The following PRICKLE2 variants were observed in gnomAD, a reference collection of about 807,000 sequenced individuals.
PRICKLE2 encodes prickle planar cell polarity protein 2, also known as prickle-like protein 2.
A neutral mutation model predicts 81.4 loss-of-function variants in PRICKLE2; 21 were observed. The ratio of observed to expected loss-of-function variants is 0.26; its 90% CI spans 0.18 to 0.37. The LOEUF (loss-of-function observed/expected upper bound fraction) is 0.37. Among genes scored for constraint, PRICKLE2 ranks in the 10% least tolerant of loss-of-function variants. The pLI, the probability that PRICKLE2 is intolerant of heterozygous loss-of-function variation, is 1.00. For missense variants in PRICKLE2, 940 were observed against 1,109.0 expected, an observed-to-expected ratio of 0.85 and a Z score of 2.16; for synonymous variants, 456 against 421.5, an observed-to-expected ratio of 1.08 and a Z score of -1.00.
chr3:64,242,615 C>T (rs1047498496), intron 2 of PRICKLE2, among the ~76,000 whole-genome samples: 6 of 152,364 alleles, frequency 3.9e-5, no homozygotes, highest in South Asian at 2.1e-4. Flanking sequence ...CTTCAGTGGA[C>T]GACTTGGCCA....
chr3:64,219,651 A>G (rs2078921934), intron 1 of PRICKLE2, among the ~76,000 whole-genome samples: 1 of 152,240 alleles, frequency 6.6e-6, no homozygotes, highest in South Asian at 2.1e-4. Context: ...CCAAAGATCA[A>G]CCAACGAGAT....
intron 7 of PRICKLE2, among the ~76,000 whole-genome samples, chr3:64,113,273 A>G (rs571592596): frequency 1.4e-4 from 21 of 152,280 alleles, no homozygotes; most frequent in African/African-American, 5.1e-4. Flanking sequence ...ACTTGTTCCC[A>G]TAAGAGACTT....
chr3:64,092,936 G>A lies in PRICKLE2; in HGVS notation c.*6115C>T, dbSNP rs1247644264. 1 of 152,314 alleles carries A rather than the reference G, an allele frequency of 6.6e-6. No individual in the cohort carries two copies. The highest frequency in any genetic ancestry group is 1.5e-5 in the Non-Finnish European group (1 of 68,066). 9.4% of individuals were successfully genotyped at this position (152,314 alleles called of 1,614,324 possible). The stretch of plus-strand genomic sequence containing the variant: ...TAAGTGTACAGTTCAGTAGTATTAA[G>A]TTCATCTGCATTGTTCTGCAACCCG... On this transcript the variant is annotated 3_prime_UTR_variant, in exon 8 of 8. Coordinates refer to ENST00000638394, the MANE Select transcript of PRICKLE2 (RefSeq NM_198859.4).
At chr3:64,176,913 C>CG (rs928914113) in intron 2 of PRICKLE2, among the ~76,000 whole-genome samples, 5 of 151,948 alleles carry the variant, frequency 3.3e-5, no homozygotes, top group African/African-American at 1.2e-4. Context: ...TCTTGGCCTG[C>CG]GGGTTATAGT....
At chr3:64,143,290 T>C (rs1471268331) in intron 7 of PRICKLE2, among the ~76,000 whole-genome samples, 2 of 152,202 alleles carry the variant, frequency 1.3e-5, no homozygotes, top group Admixed American at 1.3e-4. Flanking sequence ...CAGCCCCATA[T>C]GGCTGCCATA....
intron 4 of PRICKLE2, among the ~76,000 whole-genome samples, chr3:64,159,164 G>A (rs927326818): frequency 6.6e-6 from 1 of 152,130 alleles, no homozygotes; most frequent in East Asian, 1.9e-4. Flanking sequence ...ACGCAGTGAG[G>A]TCCCAGGGAG....
At chr3:64,121,430 A>G (rs182326776) in intron 7 of PRICKLE2, among the ~76,000 whole-genome samples, 2 of 152,258 alleles carry the variant, frequency 1.3e-5, no homozygotes, top group East Asian at 3.9e-4. Flanking sequence ...TTTGAGAAAT[A>G]GTGGTTTACC....
chr3:64,207,628 C>T (rs769501268), intron 1 of PRICKLE2, among the ~76,000 whole-genome samples: 2 of 152,050 alleles, frequency 1.3e-5, no homozygotes, highest in Non-Finnish European at 2.9e-5. Flanking sequence ...GCAGCAGGAT[C>T]AACAATCCAC....
intron 1 of PRICKLE2, among the ~76,000 whole-genome samples, chr3:64,210,550 G>A (rs2078769457): frequency 6.6e-6 from 1 of 152,124 alleles, no homozygotes; most frequent in African/African-American, 2.4e-5. Context: ...CAGCGGCTCT[G>A]GCCATCTGCA....
chr3:64,105,090 C>T (rs1452830699), intron 7 of PRICKLE2, among the ~76,000 whole-genome samples: 1 of 152,128 alleles, frequency 6.6e-6, no homozygotes, highest in Non-Finnish European at 1.5e-5. Flanking sequence ...CTCCCTGTCT[C>T]CCCAAACACA....
intron 2 of PRICKLE2, among the ~76,000 whole-genome samples, chr3:64,175,467 A>G (rs2078006995): frequency 6.6e-6 from 1 of 152,158 alleles, no homozygotes; most frequent in Non-Finnish European, 1.5e-5. Flanking sequence ...TTATTTGAAT[A>G]TTTGTCTACA....
chr3:64,199,700 A>G (rs1007908430), intron 1 of PRICKLE2: 7 of 152,196 alleles, frequency 4.6e-5, no homozygotes, highest in African/African-American at 1.7e-4. Context: ...CAAACTGAAC[A>G]TTTCTCTTTT....
In PRICKLE2 at chr3:64,098,058, T is replaced by C. The variant is rs556884243; in HGVS notation, c.*993A>G. On this transcript the variant is annotated 3_prime_UTR_variant, in exon 8 of 8. Coordinates refer to ENST00000638394, the MANE Select transcript of PRICKLE2 (RefSeq NM_198859.4). ...GTCTGCCTTGGTAAAGGAAAGCAGATAATACAATCCAGGAAACATGAGCAC... is the reference window on the plus strand; with the variant it reads ...GTCTGCCTTGGTAAAGGAAAGCAGACAATACAATCCAGGAAACATGAGCAC... 1 of 152,752 alleles carries C rather than the reference T, an allele frequency of 6.5e-6. No individual in the cohort carries two copies. The highest frequency in any genetic ancestry group is 2.1e-4 in the South Asian group (1 of 4,832). 9.5% of individuals were successfully genotyped at this position (152,752 alleles called of 1,614,324 possible). A position where few individuals can be genotyped will look rare whatever the true frequency, so the allele number is the denominator to read the frequency against.
chr3:64,166,072 G>A (rs1202730470), intron 2 of PRICKLE2, among the ~76,000 whole-genome samples: 2 of 151,680 alleles, frequency 1.3e-5, no homozygotes, highest in African/African-American at 4.9e-5. Flanking sequence ...GTCTCATGAG[G>A]AAATAGAATA....
At chr3:64,141,741 T>C (rs2077365664) in intron 7 of PRICKLE2, 12 of 925,450 alleles carry the variant, frequency 1.3e-5, no homozygotes, top group Non-Finnish European at 1.5e-5. Flanking sequence ...AGTGCAGCTA[T>C]CTGTTTTTTC....
At chr3:64,243,398 C>T (rs572024213) in intron 2 of PRICKLE2, among the ~76,000 whole-genome samples, 1 of 152,330 alleles carries the variant, frequency 6.6e-6, no homozygotes, top group East Asian at 1.9e-4. Context: ...AAATATATCT[C>T]CAGAAATTGC....
At chr3:64,105,555 G>T (rs1258901806) in intron 7 of PRICKLE2, among the ~76,000 whole-genome samples, 1 of 152,198 alleles carries the variant, frequency 6.6e-6, no homozygotes, top group Admixed American at 6.5e-5. Flanking sequence ...AAAATACCAT[G>T]ATCACACCTG....
intron 2 of PRICKLE2, among the ~76,000 whole-genome samples, chr3:64,170,964 A>G (rs2077919903): frequency 6.6e-6 from 1 of 152,182 alleles, no homozygotes; most frequent in Non-Finnish European, 1.5e-5. Context: ...CTATAATGCA[A>G]AGCCAAAGTC....
chr3:64,259,510 C>T (rs981762466), intron 2 of PRICKLE2, among the ~76,000 whole-genome samples: 15 of 152,120 alleles, frequency 9.9e-5, no homozygotes, highest in Admixed American at 3.3e-4. Flanking sequence ...AATGTGCCTC[C>T]GTGGTAGGTT....
Sources: allele counts gnomAD v4.1 joint callset (sites outside exome capture counted in the v4.1 genomes callset), GRCh38; gene constraint gnomAD v4.1.1; transcripts MANE v1.5; gene names NCBI Gene and HGNC (gene_info 2026-07-23, HGNC 2026-07-21).